MED29: variants seen among roughly 807,000 people sequenced by gnomAD.
MED29 encodes the protein mediator complex subunit 29.
Under a neutral mutation model 22.0 loss-of-function variants are expected in MED29, and 14 were observed. The observed-to-expected ratio is 0.64, with a 90% CI of 0.42 to 0.99. MED29 has a LOEUF of 0.99. Among genes scored for constraint, MED29 ranks in the 50% least tolerant of loss-of-function variants. MED29 has a pLI of 0.00. For synonymous variants in MED29, 123 were observed against 107.8 expected, an observed-to-expected ratio of 1.14 and a Z score of -0.87; for missense variants, 241 against 253.7, an observed-to-expected ratio of 0.95 and a Z score of 0.34.
At chr19:39,396,708 A>C (rs1197698533) in intron 3 of MED29, among the ~76,000 whole-genome samples, 1 of 151,148 alleles carries the variant, frequency 6.6e-6, no homozygotes, top group African/African-American at 2.4e-5. Flanking sequence ...CCTGGGCAAC[A>C]GAGCGAGATT....
rs1057745 is a variant in MED29 at position 39,397,750 on chromosome 19, G to C, written c.*51G>C. ...CAGTGGTTGGTGGGTGGTGTGCAAA[G>C]GGAATGAAGAGCGTCCTGGGCCTAA... On this transcript the variant is annotated 3_prime_UTR_variant, in exon 4 of 4. Transcript: ENST00000315588. 179,302 of 1,583,642 alleles carry C rather than the reference G, an allele frequency of 0.11. 11,589 individuals carry two copies. Among genetic ancestry groups the C allele is most frequent in the Admixed American group, 0.25 (14,543 of 58,294 alleles).
rs2078441123 is a variant in MED29, at chr19:39,398,210, A to T, written c.*511A>T. 6.0e-6 allele frequency: 1 copy of T among 167,468 alleles called. No homozygotes were observed. The highest frequency in any genetic ancestry group is 2.4e-5 in the African/African-American group (1 of 41,824). The allele number at this position is 167,468 out of a possible 1,614,324, so 10.4% of individuals were successfully genotyped here. ...AGCTGTCTTCTATCCCCAGCTCCTA[A>T]CTGGGACTCTGTGTCTATGCAGGGG... On this transcript the variant is annotated 3_prime_UTR_variant, in exon 4 of 4. Transcript: ENST00000315588.
intron 3 of MED29, among the ~76,000 whole-genome samples, chr19:39,394,037 G>A (rs963484942): frequency 6.6e-6 from 1 of 152,152 alleles, no homozygotes; most frequent in Non-Finnish European, 1.5e-5. Context: ...GACCAAGTCT[G>A]AAACAAAGAA....
intron 2 of MED29, chr19:39,392,754 T>C (rs1233102473): frequency 1.9e-6 from 1 of 520,410 alleles, no homozygotes; most frequent in Non-Finnish European, 3.4e-6. Flanking sequence ...GCCTCCCAAG[T>C]AGCCAGGACT....
intron 2 of MED29, 127 bp from the exon 3 acceptor site, chr19:39,393,426 T>G: frequency 1.1e-6 from 1 of 882,074 alleles, no homozygotes; most frequent in Non-Finnish European, 1.8e-6. Flanking sequence ...CCCCTCCGGT[T>G]TTCAACCACT....
In MED29 at chr19:39,398,406, G is replaced by C. The variant is rs2078442568; in HGVS notation, c.*707G>C. 6.5e-6 allele frequency: 1 copy of C among 152,774 alleles called. No individual in the cohort carries two copies. Among genetic ancestry groups the C allele is most frequent in the African/African-American group, 2.4e-5 (1 of 41,448 alleles). The allele number at this position is 152,774 out of a possible 1,614,324, so 9.5% of individuals were successfully genotyped here. The stretch of plus-strand genomic sequence containing the variant: ...CTCTGAGCTCCACAGGTCTGAGCAG[G>C]GAGCAACTCAGGCCCCCACCCAAGC... On this transcript the variant is annotated 3_prime_UTR_variant, in exon 4 of 4. Transcript: ENST00000315588.
intron 2 of MED29, 166 bp downstream of exon 2, chr19:39,392,688 A>G (rs1466957025): frequency 1.7e-6 from 1 of 599,364 alleles, no homozygotes; most frequent in Admixed American, 3.4e-5. Flanking sequence ...CTACAGTGGC[A>G]CGATCTTGGC....
chr19:39,397,409 A>G, intron 3 of MED29, 48 bp from the exon 4 acceptor site: 2 of 1,574,806 alleles, frequency 1.3e-6, no homozygotes, highest in Middle Eastern at 2.2e-4. Flanking sequence ...GTGGGGTAGA[A>G]TGACCTCGGG....
chr19:39,393,707 G>C, intron 3 of MED29, 70 bp downstream of exon 3: 2 of 1,325,738 alleles, frequency 1.5e-6, no homozygotes, highest in Non-Finnish European at 2.2e-6. Flanking sequence ...GAAACAGTCA[G>C]TCAGTCAACT....
In MED29 at chr19:39,397,862, G is replaced by GGCCCCTGCGTCCCT. The variant is rs1386540642; in HGVS notation, c.*170_*183dup. On this transcript the variant is annotated 3_prime_UTR_variant, in exon 4 of 4. Coordinates refer to ENST00000315588, the MANE Select transcript of MED29 (RefSeq NM_017592.4). ...AGGCCAACAGGGAGCTCGCAGGCCG[G>GGCCCCTGCGTCCCT]GCCCCTGCGTCCCTGCCCCTTCTTC... 3 of 1,219,526 alleles carry GGCCCCTGCGTCCCT rather than the reference G, an allele frequency of 2.5e-6. No homozygotes were observed. Among genetic ancestry groups the GGCCCCTGCGTCCCT allele is most frequent in the Non-Finnish European group, 2.2e-6 (2 of 897,154 alleles). 75.5% of individuals were successfully genotyped at this position (1,219,526 alleles called of 1,614,324 possible).
In MED29 at chr19:39,391,484, G is replaced by C. The variant is rs772791915; in HGVS notation, c.62G>C (p.Ser21Thr). 1 of 1,613,252 alleles carries C rather than the reference G, an allele frequency of 6.2e-7. No homozygotes were observed. The highest frequency in any genetic ancestry group is 8.5e-7 in the Non-Finnish European group (1 of 1,179,904). Residue 21 changes from serine (S) to threonine (T), a missense_variant, in exon 1 of 4, where the codon AGT becomes ACT. Transcript: ENST00000315588. ...ASSAAGVSGP[S>T]SAGGPGPQQQ... is the part of the protein sequence containing the mutation. ...TCAGCTGCTGGTGTATCGGGTCCTA[G>C]TTCGGCTGGCGGCCCGGGTCCCCAG...
At chr19:39,392,269 G>A (rs946397439) in intron 1 of MED29, among the ~76,000 whole-genome samples, 195 bp from the exon 2 acceptor site, 1 of 152,130 alleles carries the variant, frequency 6.6e-6, no homozygotes, top group African/African-American at 2.4e-5. Flanking sequence ...GCTCAGGTGA[G>A]AGCGGGCCTC....
At position 39,397,462 on chromosome 19, in the gene MED29, G is replaced by A; in HGVS notation, c.366G>A (p.Leu122=). The change falls in exon 4 of 4, where the codon CTG becomes CTA. Residue 122 remains leucine (L), a synonymous_variant. Coordinates refer to ENST00000315588, the MANE Select transcript of MED29 (RefSeq NM_017592.4). ...CCTTGCCTGCCTGTCCACAGCGCCT[G>A]GCGCATGAGTGCCTGTCACAGAGTT... is the stretch of plus-strand genomic sequence containing the variant. ...LCDQLELCLR[L]AHECLSQSCD... The A allele has an allele frequency of 6.2e-7, 1 of 1,604,138 alleles. No homozygotes were observed. The highest frequency in any genetic ancestry group is 8.5e-7 in the Non-Finnish European group (1 of 1,179,518).
chr19:39,392,588 TCTC>T (rs1454902268), intron 2 of MED29, 66 bp downstream of exon 2: 3 of 1,415,802 alleles, frequency 2.1e-6, no homozygotes, highest in South Asian at 1.2e-5. Flanking sequence ...CATCTTTCCT[TCTC>T]CTGCTCCCCG....
intron 3 of MED29, among the ~76,000 whole-genome samples, chr19:39,394,614 A>G (rs1265817067): frequency 7.9e-6 from 1 of 125,836 alleles, no homozygotes; most frequent in East Asian, 2.5e-4. Context: ...GCCAGGCTAG[A>G]GTACAGTGGC....
intron 3 of MED29, among the ~76,000 whole-genome samples, chr19:39,395,578 G>A (rs1629174): frequency 0.071 from 10,850 of 152,146 alleles, 403 homozygotes; most frequent in African/African-American, 0.093. Flanking sequence ...CCGGTGTGCT[G>A]GAAGGAGATA....
At chr19:39,392,408 G>C in intron 1 of MED29, 56 bp from the exon 2 acceptor site, 1 of 1,455,688 alleles carries the variant, frequency 6.9e-7, no homozygotes, top group Non-Finnish European at 9.6e-7. Context: ...AGATCTGCCA[G>C]AGGTATTCCC....
At position 39,391,558 on chromosome 19, in the gene MED29, C is replaced by G. The variant is rs777492306; in HGVS notation, c.136C>G (p.Leu46Val). The change falls in exon 1 of 4, where the codon CTC (leucine) becomes GTC (valine). Residue 46 changes from leucine to valine, a missense_variant. By Grantham distance (32) the Leu-to-Val change is conservative. Coordinates refer to ENST00000315588, the MANE Select transcript of MED29 (RefSeq NM_017592.4). ...AQLVGPAQSG[L>V]LQQQQQDFDP... ...ACTGGTGGGCCCTGCCCAGAGCGGC[C>G]TCCTGCAGCAACAGCAACAGGACTT... The G allele has an allele frequency of 6.2e-7, 1 of 1,613,710 alleles. No homozygotes were observed. The highest frequency in any genetic ancestry group is 8.5e-7 in the Non-Finnish European group (1 of 1,179,942).
Position 39,391,477 on chromosome 19 carries a change from G to A in MED29, c.55G>A (p.Gly19Ser). 1 of 1,613,516 alleles carries A rather than the reference G, an allele frequency of 6.2e-7. No homozygotes were observed. The change falls in exon 1 of 4, where the codon GGT becomes AGT. Residue 19 changes from glycine to serine, a missense_variant. Gly to Ser is a moderately conservative substitution (Grantham distance 56). Transcript: ENST00000315588. ...GGCTTCCTCAGCTGCTGGTGTATCG[G>A]GTCCTAGTTCGGCTGGCGGCCCGGG... ...SAASSAAGVS[G>S]PSSAGGPGPQ... is the part of the protein sequence containing the mutation.
Sources: allele counts gnomAD v4.1 joint callset (sites outside exome capture counted in the v4.1 genomes callset), GRCh38; gene constraint gnomAD v4.1.1; transcripts MANE v1.5; gene names NCBI Gene and HGNC (gene_info 2026-07-23, HGNC 2026-07-21).